The following HUNK variants were observed in gnomAD, a reference collection of about 807,000 sequenced individuals.
HUNK encodes the protein hormonally up-regulated Neu-associated kinase, also known as hormonally up-regulated neu tumor-associated kinase.
In HUNK, 21 loss-of-function variants were observed where a neutral mutation model predicts 61.0. That is an observed-to-expected ratio of 0.34 (90% CI 0.24 to 0.50). HUNK has a LOEUF of 0.50. Ranked by LOEUF, HUNK falls within the 20% of genes least tolerant of loss-of-function variation. The pLI, the probability that HUNK is intolerant of heterozygous loss-of-function variation, is 0.98. For missense variants in HUNK, 772 were observed against 945.7 expected (o/e 0.82, Z 2.41); for synonymous variants, 371 against 386.1 (o/e 0.96, Z 0.46).
At chr21:31,906,956 C>A (rs953383354) in intron 1 of HUNK, among the ~76,000 whole-genome samples, 1 of 152,084 alleles carries the variant, frequency 6.6e-6, no homozygotes, top group Non-Finnish European at 1.5e-5. Flanking sequence ...GGGTGGATCA[C>A]CTGAGGTCAG....
intron 2 of HUNK, among the ~76,000 whole-genome samples, chr21:31,934,140 T>G (rs2052716615): frequency 6.6e-6 from 1 of 152,048 alleles, no homozygotes; most frequent in Non-Finnish European, 1.5e-5. Context: ...GCTCATAATT[T>G]TTTTAAAGGT....
chr21:31,882,859 T>C (rs1000036994), intron 1 of HUNK, among the ~76,000 whole-genome samples: 5 of 152,188 alleles, frequency 3.3e-5, no homozygotes, highest in Non-Finnish European at 5.9e-5. Context: ...GTTCATTATC[T>C]TGCTTTTTCA....
chr21:31,953,273 G>A (rs1331247755), intron 4 of HUNK, among the ~76,000 whole-genome samples: 2 of 144,330 alleles, frequency 1.4e-5, no homozygotes, highest in African/African-American at 2.6e-5. Context: ...ATGGAGTTTC[G>A]CTCTTGTTGC....
chr21:31,998,906 G>T lies in HUNK; in HGVS notation c.1867G>T (p.Ala623Ser). The T allele has an allele frequency of 6.2e-7, 1 of 1,614,180 alleles. No homozygotes were observed. The highest frequency in any genetic ancestry group is 8.5e-7 in the Non-Finnish European group (1 of 1,180,038). The change falls in exon 11 of 11, where the codon GCT becomes TCT. Residue 623 changes from alanine to serine, a missense_variant. Coordinates refer to ENST00000270112, the MANE Select transcript of HUNK (RefSeq NM_014586.2). ...TTTGCATCCAACTCTGGTCTCTTTTGCTCACGAAGATAAGAACAGCCCCCC... is the reference window on the plus strand; with the variant it reads ...TTTGCATCCAACTCTGGTCTCTTTTTCTCACGAAGATAAGAACAGCCCCCC... ...TPLHPTLVSF[A>S]HEDKNSPPKE...
rs921319367 is a variant in HUNK at position 31,999,363 on chromosome 21, C to G, written c.*179C>G. The G allele has an allele frequency of 2.9e-5, 17 of 578,848 alleles. No homozygotes were observed. The African/African-American group carries it at 3.0e-4, about 10-fold the overall frequency. The allele number at this position is 578,848 out of a possible 1,614,324, so 35.9% of individuals were successfully genotyped here. A position where few individuals can be genotyped will look rare whatever the true frequency, so the allele number is the denominator to read the frequency against. On this transcript the variant is annotated 3_prime_UTR_variant, in exon 11 of 11. Coordinates refer to ENST00000270112, the MANE Select transcript of HUNK (RefSeq NM_014586.2). Reference sequence around the variant, plus strand: ...CCTCGCTTAGGGACCCCCAGAGATGCTGGAATCGCTAGGAGGGTTGGCTCC... The same window carrying G: ...CCTCGCTTAGGGACCCCCAGAGATGGTGGAATCGCTAGGAGGGTTGGCTCC...
intron 4 of HUNK, among the ~76,000 whole-genome samples, chr21:31,947,414 C>T (rs549483981): frequency 6.6e-6 from 1 of 152,360 alleles, no homozygotes; most frequent in Admixed American, 6.5e-5. Flanking sequence ...AAGCCAATGG[C>T]GTCACTGCCG....
intron 1 of HUNK, among the ~76,000 whole-genome samples, chr21:31,921,725 AC>A (rs1440527754): frequency 6.6e-6 from 1 of 152,074 alleles, no homozygotes; most frequent in Non-Finnish European, 1.5e-5. Context: ...GCCTTAGTTC[AC>A]CCTGGGGGTG....
intron 5 of HUNK, among the ~76,000 whole-genome samples, chr21:31,967,845 C>A (rs1300721768): frequency 6.6e-6 from 1 of 152,124 alleles, no homozygotes; most frequent in African/African-American, 2.4e-5. Context: ...ACAAGCCTGT[C>A]AATAGTGCAT....
intron 1 of HUNK, among the ~76,000 whole-genome samples, chr21:31,878,011 C>T (rs1267620243): frequency 6.6e-6 from 1 of 152,164 alleles, no homozygotes; most frequent in African/African-American, 2.4e-5. Flanking sequence ...GTAATCCCAG[C>T]ACTTTGGGAG....
At chr21:31,947,429 C>T (rs547506513) in intron 4 of HUNK, among the ~76,000 whole-genome samples, 1 of 152,376 alleles carries the variant, frequency 6.6e-6, no homozygotes, top group Non-Finnish European at 1.5e-5. Flanking sequence ...CTGCCGAGAT[C>T]ATTTCTGAGC....
At chr21:31,986,421 G>T (rs936028894) in intron 8 of HUNK, among the ~76,000 whole-genome samples, 1 of 152,010 alleles carries the variant, frequency 6.6e-6, no homozygotes, top group African/African-American at 2.4e-5. Flanking sequence ...CTGGACTTCT[G>T]CTATGCCCTC....
intron 5 of HUNK, among the ~76,000 whole-genome samples, chr21:31,962,126 T>C (rs940741185): frequency 1.3e-5 from 2 of 152,226 alleles, no homozygotes; most frequent in Non-Finnish European, 2.9e-5. Flanking sequence ...AGCAATTAAA[T>C]CTTCCACCAA....
chr21:31,958,879 G>T lies in HUNK; in HGVS notation c.783G>T (p.Leu261=). ...TGTATGCCATGTTGACCGGGACGCT[G>T]CCTTTCACGGTGGAGCCTTTCAGCC... ...VNMYAMLTGT[L]PFTVEPFSLR... The change falls in exon 5 of 11, where the codon CTG becomes CTT. Residue 261 remains leucine, a synonymous_variant. Coordinates refer to ENST00000270112, the MANE Select transcript of HUNK (RefSeq NM_014586.2). The T allele has an allele frequency of 1.2e-6, 2 of 1,610,078 alleles. No individual in the cohort carries two copies. Among genetic ancestry groups the T allele is most frequent in the Non-Finnish European group, 8.5e-7 (1 of 1,178,642 alleles).
At chr21:31,936,086 C>T (rs1372665822) in intron 2 of HUNK, among the ~76,000 whole-genome samples, 1 of 152,134 alleles carries the variant, frequency 6.6e-6, no homozygotes. Context: ...TGTGAGCCAC[C>T]GCGCCCAACC....
intron 2 of HUNK, among the ~76,000 whole-genome samples, chr21:31,925,924 ATT>A (rs60079886): frequency 1.7e-3 from 246 of 143,958 alleles, no homozygotes; most frequent in Admixed American, 2.0e-3. Context: ...AACCAGAAAT[ATT>A]TTTTTTTTTT....
At chr21:31,996,001 G>C in intron 10 of HUNK, 53 bp downstream of exon 10, 2 of 1,356,328 alleles carry the variant, frequency 1.5e-6, no homozygotes, top group South Asian at 1.3e-5. Context: ...CTGTGTGTCC[G>C]CTGTGTAGCC....
rs1029058783 is a variant in HUNK, at chr21:31,911,400, G to A, written c.262-13068G>A. On this transcript the variant is annotated intron_variant, in intron 1 of 10. Coordinates refer to ENST00000270112, the MANE Select transcript of HUNK (RefSeq NM_014586.2). ...AAGCTTCTCTGAGAGCTGACATTTC[G>A]TCAGGATCTTAGAGGTTGAGGGAGT... is the stretch of plus-strand genomic sequence containing the variant. Among the ~76,000 whole-genome samples, 15 of 152,292 alleles carry A rather than the reference G, an allele frequency of 9.8e-5. No individual in the cohort carries two copies. The East Asian group carries it at 1.3e-3, about 14-fold the overall frequency.
At chr21:31,951,134 G>A (rs1301072401) in intron 4 of HUNK, among the ~76,000 whole-genome samples, 3 of 151,532 alleles carry the variant, frequency 2.0e-5, no homozygotes, top group Admixed American at 6.6e-5. Flanking sequence ...TTTCAAGACC[G>A]TAAAGAATAG....
chr21:31,915,272 A>C (rs1359440583), intron 1 of HUNK, among the ~76,000 whole-genome samples: 3 of 152,110 alleles, frequency 2.0e-5, no homozygotes, highest in Non-Finnish European at 4.4e-5. Context: ...GTGTTTAATA[A>C]ATGTTTGTTG....
Sources: allele counts gnomAD v4.1 joint callset (sites outside exome capture counted in the v4.1 genomes callset), GRCh38; gene constraint gnomAD v4.1.1; transcripts MANE v1.5; gene names NCBI Gene and HGNC (gene_info 2026-07-23, HGNC 2026-07-21).